KLHL32: variants seen among roughly 807,000 people sequenced by gnomAD.
KLHL32 encodes the protein kelch-like protein 32.
Under a neutral mutation model 64.8 loss-of-function variants are expected in KLHL32, and 35 were observed. The ratio of observed to expected loss-of-function variants is 0.54; its 90% CI spans 0.41 to 0.72. The LOEUF is 0.72. Among genes scored for constraint, KLHL32 ranks in the 30% least tolerant of loss-of-function variants. The probability of loss-of-function intolerance (pLI) is 0.00; values close to 1 mark genes in which losing one functional copy is unlikely to be tolerated. For missense variants in KLHL32, 589 were observed against 768.5 expected (o/e 0.77, Z 2.76); for synonymous variants, 259 against 281.0 (o/e 0.92, Z 0.78).
the KLHL32 span, among the ~76,000 whole-genome samples, chr6:96,916,196 T>C: frequency 6.6e-6 from 1 of 152,204 alleles, no homozygotes; most frequent in Non-Finnish European, 1.5e-5. Flanking sequence ...ATTTGCCTTA[T>C]TTGAACACAG....
intron 1 of KLHL32, among the ~76,000 whole-genome samples, chr6:96,961,685 G>A (rs1385457984): frequency 6.6e-6 from 1 of 152,190 alleles, no homozygotes; most frequent in Non-Finnish European, 1.5e-5. Context: ...TAAAGTATAG[G>A]GAAAGATGAT....
intron 5 of KLHL32, among the ~76,000 whole-genome samples, chr6:97,068,288 C>A (rs530865144): frequency 6.6e-6 from 1 of 152,136 alleles, no homozygotes; most frequent in Admixed American, 6.5e-5. Context: ...TAATAATATG[C>A]AATTTAAATG....
At position 97,098,636 on chromosome 6, in the gene KLHL32, A is replaced by G. The variant is rs1053091759; in HGVS notation, c.627+13295A>G. Among the ~76,000 whole-genome samples, 3 of 152,350 alleles carry G rather than the reference A, an allele frequency of 2.0e-5. No homozygotes were observed. In the East Asian group the frequency reaches 5.8e-4, roughly 29 times the overall value. ...TCTCCAAAAATGAATTAAGTCATTGAATCCAGTTGCTGTTTTAATGCAGCC... is the reference window on the plus strand; with the variant it reads ...TCTCCAAAAATGAATTAAGTCATTGGATCCAGTTGCTGTTTTAATGCAGCC... On this transcript the variant is annotated intron_variant, in intron 6 of 10. Coordinates refer to ENST00000369261, the MANE Select transcript of KLHL32 (RefSeq NM_052904.4).
intron 6 of KLHL32, among the ~76,000 whole-genome samples, chr6:97,113,184 T>C (rs1447686654): frequency 1.3e-5 from 2 of 152,156 alleles, no homozygotes; most frequent in Non-Finnish European, 2.9e-5. Context: ...AGAATCTTAT[T>C]TTTTCTTTTC....
In KLHL32 at chr6:96,996,191, TAC is replaced by T. The variant is rs1441716194; in HGVS notation, c.204+20016_204+20017del. On this transcript the variant is annotated intron_variant, in intron 3 of 10. Coordinates refer to ENST00000369261, the MANE Select transcript of KLHL32 (RefSeq NM_052904.4). ...TCCAGCTTAAATCTCCATGAACGCC[TAC>T]AGTTTCTGGCCAGGGAAACAGATGT... Among the ~76,000 whole-genome samples, 13 of 152,378 alleles carry T rather than the reference TAC, an allele frequency of 8.5e-5. No individual in the cohort carries two copies. The East Asian group carries it at 2.5e-3, about 29-fold the overall frequency.
chr6:97,071,512 G>T (rs1000614176), intron 5 of KLHL32, among the ~76,000 whole-genome samples: 3 of 152,004 alleles, frequency 2.0e-5, no homozygotes, highest in African/African-American at 7.3e-5. Flanking sequence ...TCTGGGGAGG[G>T]TTACTGACTC....
chr6:97,065,135 G>T (rs1448388253), intron 5 of KLHL32, among the ~76,000 whole-genome samples: 1 of 152,176 alleles, frequency 6.6e-6, no homozygotes, highest in East Asian at 1.9e-4. Flanking sequence ...ACAGTATCTA[G>T]TAAATCACAA....
chr6:97,032,084 G>A (rs945478941), intron 3 of KLHL32, among the ~76,000 whole-genome samples: 3 of 152,158 alleles, frequency 2.0e-5, no homozygotes, highest in African/African-American at 7.2e-5. Context: ...TAACAAATTA[G>A]CCAAAGTTTC....
chr6:97,136,318 A>G (rs916073867), intron 10 of KLHL32, among the ~76,000 whole-genome samples: 20 of 152,206 alleles, frequency 1.3e-4, no homozygotes, highest in Admixed American at 1.2e-3. Flanking sequence ...AGCATGTCCA[A>G]TGTTGAAAAA....
intron 3 of KLHL32, among the ~76,000 whole-genome samples, chr6:97,029,801 T>A (rs770329142): frequency 6.6e-6 from 1 of 152,188 alleles, no homozygotes; most frequent in African/African-American, 2.4e-5. Context: ...CAAAATGTAA[T>A]AAAGGCTAAT....
rs562979868 is a variant in KLHL32, at chr6:97,136,855, G to C, written c.1702-2266G>C. 1.1e-4 allele frequency among the ~76,000 whole-genome samples: 17 copies of C among 152,268 alleles called. No individual in the cohort carries two copies. The East Asian group carries it at 2.5e-3, about 22-fold the overall frequency. Reference sequence around the variant, plus strand: ...TGTTGGCCCAGGAAACCAGACAAAAGCTCTCTGGATGATTATCTCATTAGT... The same window carrying C: ...TGTTGGCCCAGGAAACCAGACAAAACCTCTCTGGATGATTATCTCATTAGT... On this transcript the variant is annotated intron_variant, in intron 10 of 10. Coordinates refer to ENST00000369261, the MANE Select transcript of KLHL32 (RefSeq NM_052904.4).
At chr6:96,955,171 G>A (rs1773109452) in intron 1 of KLHL32, among the ~76,000 whole-genome samples, 1 of 152,122 alleles carries the variant, frequency 6.6e-6, no homozygotes, top group African/African-American at 2.4e-5. Context: ...CATCACATTG[G>A]ATATAAGAGT....
intron 3 of KLHL32, among the ~76,000 whole-genome samples, chr6:97,033,880 A>T (rs1783932740): frequency 6.6e-6 from 1 of 151,912 alleles, no homozygotes; most frequent in East Asian, 1.9e-4. Flanking sequence ...TTATTTAATT[A>T]TTTATTTATT....
At chr6:96,916,613 C>T in the KLHL32 span, among the ~76,000 whole-genome samples, 3 of 152,150 alleles carry the variant, frequency 2.0e-5, no homozygotes, top group Non-Finnish European at 4.4e-5. Context: ...TTGGTTCTTC[C>T]ATTCTTTTCT....
chr6:96,960,744 G>A (rs1773795180), intron 1 of KLHL32, among the ~76,000 whole-genome samples: 1 of 152,156 alleles, frequency 6.6e-6, no homozygotes, highest in Non-Finnish European at 1.5e-5. Flanking sequence ...GGAGACATAA[G>A]GCATCAGTCA....
the KLHL32 span, among the ~76,000 whole-genome samples, chr6:96,901,828 A>G: frequency 3.3e-5 from 5 of 152,230 alleles, no homozygotes; most frequent in Admixed American, 3.3e-4. Flanking sequence ...AAGTGAGAAC[A>G]TGCAGTATTT....
chr6:97,034,661 CTG>C (rs977830341), intron 3 of KLHL32, among the ~76,000 whole-genome samples: 6 of 151,798 alleles, frequency 4.0e-5, no homozygotes, highest in Non-Finnish European at 8.8e-5. Context: ...TCCATTTTAT[CTG>C]TGTCTTTGAT....
intron 3 of KLHL32, among the ~76,000 whole-genome samples, chr6:97,037,096 A>T (rs1312801395): frequency 6.6e-6 from 1 of 152,108 alleles, no homozygotes; most frequent in East Asian, 1.9e-4. Context: ...TGAATATATT[A>T]TATGTTAAAT....
At chr6:96,901,266 C>T in the KLHL32 span, among the ~76,000 whole-genome samples, 1 of 151,588 alleles carries the variant, frequency 6.6e-6, no homozygotes, top group African/African-American at 2.4e-5. Flanking sequence ...GATCAGAAGT[C>T]CAAAATGAGA....
Sources: gnomAD v4.1 joint callset for allele counts (sites outside exome capture counted in the v4.1 genomes callset) on GRCh38, gnomAD v4.1.1 for gene constraint, MANE v1.5 for transcripts, NCBI Gene and HGNC (gene_info 2026-07-23, HGNC 2026-07-21) for gene names.